Variants in CCDC50 observed in about 807,000 individuals in gnomAD.
The protein encoded by CCDC50 is coiled-coil domain containing 50.
Under a neutral mutation model 70.2 loss-of-function variants are expected in CCDC50, and 54 were observed. The observed-to-expected ratio is 0.77, with a 90% CI of 0.62 to 0.96. The LOEUF is 0.96. CCDC50 is among the 50% of genes least tolerant of loss of function. CCDC50 has a pLI of 0.00. For missense variants in CCDC50, 558 were observed against 578.7 expected, an observed-to-expected ratio of 0.96 and a Z score of 0.37; for synonymous variants, 216 against 198.8, an observed-to-expected ratio of 1.09 and a Z score of -0.73.
chr3:191,332,885 C>T (rs1718037619), intron 1 of CCDC50, among the ~76,000 whole-genome samples: 1 of 152,202 alleles, frequency 6.6e-6, no homozygotes, highest in Admixed American at 6.5e-5. Flanking sequence ...TGATCGAGGC[C>T]TTTCTAGACA....
At chr3:191,368,792 A>G (rs1483118702) in intron 4 of CCDC50, among the ~76,000 whole-genome samples, 2 of 152,102 alleles carry the variant, frequency 1.3e-5, no homozygotes, top group African/African-American at 4.8e-5. Context: ...TTATTCCCAT[A>G]TTTGTATGAG....
chr3:191,365,232 G>A (rs1451878475), intron 4 of CCDC50, among the ~76,000 whole-genome samples: 1 of 151,156 alleles, frequency 6.6e-6, no homozygotes, highest in East Asian at 1.9e-4. Context: ...ACAATTTGAA[G>A]CCCTTTATAG....
At position 191,358,133 on chromosome 3, in the gene CCDC50, T is replaced by C. The variant is rs1371018202; in HGVS notation, c.239+9T>C. On this transcript the variant is annotated intron_variant, in intron 3 of 11. Coordinates refer to ENST00000392455, the MANE Select transcript of CCDC50 (RefSeq NM_178335.3). ...AAGCGCTACAAAGACCTGTGAGGAT[T>C]TGGGAGGTGGGAGGGGTGATGCAAG... The C allele has an allele frequency of 6.2e-7, 1 of 1,613,468 alleles. No homozygotes were observed.
At chr3:191,358,195 G>A (rs900344303) in intron 3 of CCDC50, 71 bp downstream of exon 3, 3 of 1,579,808 alleles carry the variant, frequency 1.9e-6, no homozygotes, top group Non-Finnish European at 2.6e-6. Context: ...CCAGGGCAGG[G>A]GAGAAGGAGA....
chr3:191,381,243 T>C (rs1303716146), intron 9 of CCDC50, among the ~76,000 whole-genome samples: 2 of 152,144 alleles, frequency 1.3e-5, no homozygotes, highest in African/African-American at 4.8e-5. Flanking sequence ...TAGAAGAATA[T>C]AGCATTTTCA....
chr3:191,385,221 C>T (rs1452668100), intron 10 of CCDC50, among the ~76,000 whole-genome samples: 2 of 152,078 alleles, frequency 1.3e-5, no homozygotes, highest in Non-Finnish European at 2.9e-5. Context: ...ATTTTTAGTT[C>T]TTTGAGAAGT....
chr3:191,348,093 T>C (rs1711984623), intron 1 of CCDC50, among the ~76,000 whole-genome samples: 1 of 142,464 alleles, frequency 7.0e-6, no homozygotes, highest in Non-Finnish European at 1.6e-5. Context: ...AACTACGTGC[T>C]ATGAAAGCAC....
intron 4 of CCDC50, among the ~76,000 whole-genome samples, chr3:191,362,709 C>T (rs1263912702): frequency 6.6e-6 from 1 of 152,170 alleles, no homozygotes; most frequent in Non-Finnish European, 1.5e-5. Context: ...CATCAGTAAA[C>T]AGCCTACATA....
intron 4 of CCDC50, among the ~76,000 whole-genome samples, chr3:191,368,084 T>C (rs7648886): frequency 0.32 from 48,207 of 151,722 alleles, 7,657 homozygotes; most frequent in Non-Finnish European, 0.33. Flanking sequence ...TCAAACTTTC[T>C]ATTGTACAGA....
intron 6 of CCDC50, among the ~76,000 whole-genome samples, chr3:191,377,525 C>G (rs181528710): frequency 5.7e-4 from 87 of 152,238 alleles, no homozygotes; most frequent in African/African-American, 1.9e-3. Flanking sequence ...AATGGCTCAT[C>G]ATTTTCTGCA....
At chr3:191,370,354 T>C in intron 5 of CCDC50, 1 of 309,912 alleles carries the variant, frequency 3.2e-6, no homozygotes, top group Non-Finnish European at 6.2e-6. Flanking sequence ...CCTAATGCTA[T>C]CCCTCCCCCC....
intron 1 of CCDC50, among the ~76,000 whole-genome samples, chr3:191,344,929 GCACATCCTCAAATCCT>G (rs1388829740): frequency 6.6e-6 from 1 of 152,154 alleles, no homozygotes; most frequent in Non-Finnish European, 1.5e-5. Flanking sequence ...TGTGAGGAAT[GCACATCCTCAAATCCT>G]CACATCCTCA....
chr3:191,375,233 C>T lies in CCDC50; in HGVS notation c.620C>T (p.Ser207Phe), dbSNP rs769257994. ...HCSSKRSLSS[S>F]SSGKGRDNPH... ...TCATCGAAGAGATCCCTGTCATCCT[C>T]TAGCTCGGGCAAAGGGAGGGACAAT... The change falls in exon 6 of 12, where the codon TCT becomes TTT. Residue 207 changes from serine (S) to phenylalanine (F), a missense_variant. Ser to Phe is a radical substitution (Grantham distance 155). Coordinates refer to ENST00000392455, the MANE Select transcript of CCDC50 (RefSeq NM_178335.3). The T allele has an allele frequency of 2.5e-6, 4 of 1,613,798 alleles. No homozygotes were observed. Among genetic ancestry groups the T allele is most frequent in the Middle Eastern group, 1.7e-4 (1 of 6,058 alleles).
At chr3:191,387,390 C>T (rs933455481) in intron 10 of CCDC50, among the ~76,000 whole-genome samples, 1 of 152,088 alleles carries the variant, frequency 6.6e-6, no homozygotes, top group Non-Finnish European at 1.5e-5. Context: ...TACAATAAAA[C>T]TGTACAACAA....
intron 1 of CCDC50, among the ~76,000 whole-genome samples, chr3:191,342,523 A>G (rs1711767486): frequency 6.6e-6 from 1 of 152,194 alleles, no homozygotes; most frequent in Non-Finnish European, 1.5e-5. Context: ...CCAATAAACT[A>G]AAATGGTTTT....
chr3:191,353,151 C>T (rs991409971), intron 1 of CCDC50, among the ~76,000 whole-genome samples: 1 of 141,870 alleles, frequency 7.0e-6, no homozygotes, highest in Non-Finnish European at 1.6e-5. Flanking sequence ...CAGAGTTGTA[C>T]GGCTTTTAAT....
At chr3:191,330,329 A>ACACAC in intron 1 of CCDC50, 1 of 148,530 alleles carries the variant, frequency 6.7e-6, no homozygotes, top group Non-Finnish European at 1.5e-5. Flanking sequence ...ACACACACAC[A>ACACAC]ATAGTGAGCG....
intron 1 of CCDC50, among the ~76,000 whole-genome samples, chr3:191,338,554 C>T (rs1344019466): frequency 1.3e-5 from 2 of 152,156 alleles, no homozygotes; most frequent in African/African-American, 4.8e-5. Context: ...TCAATTCTGT[C>T]AGTGATTGCT....
intron 4 of CCDC50, among the ~76,000 whole-genome samples, chr3:191,364,750 G>A (rs1712621494): frequency 6.6e-6 from 1 of 151,896 alleles, no homozygotes; most frequent in South Asian, 2.1e-4. Flanking sequence ...TTCCATGCAG[G>A]ACACAGATGT....
Sources: allele counts gnomAD v4.1 joint callset (sites outside exome capture counted in the v4.1 genomes callset), GRCh38; gene constraint gnomAD v4.1.1; transcripts MANE v1.5; gene names NCBI Gene and HGNC (gene_info 2026-07-23, HGNC 2026-07-21).